RGS7: variants seen among roughly 807,000 people sequenced by gnomAD.
RGS7 encodes the protein regulator of G protein signaling 7, also known as regulator of G-protein signaling 7.
A neutral mutation model predicts 81.1 loss-of-function variants in RGS7; 27 were observed. That is an observed-to-expected ratio of 0.33 (90% CI 0.25 to 0.46). The LOEUF (loss-of-function observed/expected upper bound fraction) is 0.46, where lower values mean the gene tolerates loss of function less well. Ranked by LOEUF, RGS7 falls within the 20% of genes least tolerant of loss-of-function variation. The pLI is 1.00. For synonymous variants in RGS7, 208 were observed against 207.7 expected, an observed-to-expected ratio of 1.00 and a Z score of -0.01; for missense variants, 396 against 607.4, an observed-to-expected ratio of 0.65 and a Z score of 3.66.
intron 2 of RGS7, among the ~76,000 whole-genome samples, chr1:241,105,066 C>T (rs1254248654): frequency 6.6e-6 from 1 of 152,166 alleles, no homozygotes; most frequent in Non-Finnish European, 1.5e-5. Context: ...AATAGTGACA[C>T]AGAGTAGCTC....
At chr1:241,177,958 GAT>G (rs2071285262) in intron 2 of RGS7, among the ~76,000 whole-genome samples, 1 of 152,136 alleles carries the variant, frequency 6.6e-6, no homozygotes, top group Non-Finnish European at 1.5e-5. Context: ...TAAAAAGACA[GAT>G]ATGTGAATTA....
At chr1:240,974,471 C>A (rs1317818224) in intron 4 of RGS7, among the ~76,000 whole-genome samples, 1 of 152,130 alleles carries the variant, frequency 6.6e-6, no homozygotes, top group Non-Finnish European at 1.5e-5. Flanking sequence ...GTCAAAAAAA[C>A]AAGTGATTAT....
At chr1:240,985,542 T>G (rs1283430368) in intron 3 of RGS7, among the ~76,000 whole-genome samples, 2 of 152,242 alleles carry the variant, frequency 1.3e-5, no homozygotes, top group African/African-American at 4.8e-5. Flanking sequence ...TTTTGAGTAT[T>G]TCTGTCACAA....
rs187500340 is a variant in RGS7, at chr1:241,262,799, C to A, written c.78+92900G>T. 2.6e-3 allele frequency among the ~76,000 whole-genome samples: 396 copies of A among 152,204 alleles called. 2 individuals are homozygous for A. Among genetic ancestry groups the A allele is most frequent in the African/African-American group, 9.0e-3 (373 of 41,528 alleles). On this transcript the variant is annotated intron_variant, in intron 2 of 18. Transcript: ENST00000440928. ...TCACTAAGAAAATATCACAATACCT[C>A]ATCTATTTAAAATATTATCAGCCAG...
intron 2 of RGS7, among the ~76,000 whole-genome samples, chr1:241,170,681 G>A (rs1423261916): frequency 6.6e-6 from 1 of 152,202 alleles, no homozygotes; most frequent in Admixed American, 6.5e-5. Flanking sequence ...GCAAAAGGCT[G>A]ATGGAGATCT....
intron 13 of RGS7, among the ~76,000 whole-genome samples, chr1:240,812,602 T>G (rs1690065825): frequency 6.6e-6 from 1 of 151,952 alleles, no homozygotes; most frequent in Admixed American, 6.6e-5. Flanking sequence ...GCCCGGCTAC[T>G]TTTTGTATTT....
intron 2 of RGS7, among the ~76,000 whole-genome samples, chr1:241,335,824 A>C (rs1407459757): frequency 6.6e-6 from 1 of 152,136 alleles, no homozygotes; most frequent in Non-Finnish European, 1.5e-5. Flanking sequence ...AACCATGGCT[A>C]ATTTCAATTT....
intron 6 of RGS7, among the ~76,000 whole-genome samples, chr1:240,926,440 A>G (rs1004484509): frequency 1.3e-5 from 2 of 152,332 alleles, no homozygotes; most frequent in African/African-American, 4.8e-5. Flanking sequence ...GCCAAAGATC[A>G]TATGGTTATA....
At chr1:241,016,554 A>G (rs2059245529) in intron 3 of RGS7, among the ~76,000 whole-genome samples, 1 of 145,588 alleles carries the variant, frequency 6.9e-6, no homozygotes, top group Admixed American at 6.7e-5. Flanking sequence ...AACAACAAAA[A>G]CCAACCAAAC....
intron 18 of RGS7, among the ~76,000 whole-genome samples, chr1:240,779,977 T>A (rs1253991938): frequency 6.6e-6 from 1 of 152,150 alleles, no homozygotes; most frequent in Non-Finnish European, 1.5e-5. Flanking sequence ...ATCATACTGC[T>A]TTTCCACCCC....
rs551308577 is a variant in RGS7, at chr1:241,236,423, T to C, written c.78+119276A>G. 1.3e-4 allele frequency among the ~76,000 whole-genome samples: 20 copies of C among 152,290 alleles called. No homozygotes were observed. In the South Asian group the frequency reaches 3.9e-3, roughly 30 times the overall value. On this transcript the variant is annotated intron_variant, in intron 2 of 18. Transcript: ENST00000440928. ...ATGACCTAGTTAAATCTTCCACGGA[T>C]GCTAATATCTCCTGTTAACACCCTG...
rs188151462 is a variant in RGS7, at chr1:241,343,758, T to C, written c.78+11941A>G. 5.3e-5 allele frequency among the ~76,000 whole-genome samples: 8 copies of C among 152,266 alleles called. No individual in the cohort carries two copies. In the South Asian group the frequency reaches 8.3e-4, roughly 16 times the overall value. Reference sequence around the variant, plus strand: ...GTTTCAGATTGGGAAGATTAAGTTCTAGAGATGGATGGTGATAATGGTCGC... The same window carrying C: ...GTTTCAGATTGGGAAGATTAAGTTCCAGAGATGGATGGTGATAATGGTCGC... On this transcript the variant is annotated intron_variant, in intron 2 of 18. Transcript: ENST00000440928.
intron 6 of RGS7, among the ~76,000 whole-genome samples, chr1:240,886,089 A>T (rs1165128435): frequency 6.6e-6 from 1 of 152,210 alleles, no homozygotes; most frequent in Admixed American, 6.5e-5. Context: ...TTTAACTGTT[A>T]TGATAATTAT....
intron 2 of RGS7, among the ~76,000 whole-genome samples, chr1:241,338,685 A>G (rs59382229): frequency 0.046 from 6,813 of 149,612 alleles, 400 homozygotes; most frequent in African/African-American, 0.14. Context: ...AATTTTATGA[A>G]GTTGTTATAA....
At chr1:240,793,163 C>T (rs1686306958) in intron 18 of RGS7, among the ~76,000 whole-genome samples, 1 of 152,118 alleles carries the variant, frequency 6.6e-6, no homozygotes, top group Admixed American at 6.5e-5. Context: ...TCCTTAGGAA[C>T]CCCCAGGGCT....
chr1:241,234,875 A>G (rs1179047621), intron 2 of RGS7, among the ~76,000 whole-genome samples: 1 of 152,160 alleles, frequency 6.6e-6, no homozygotes, highest in Non-Finnish European at 1.5e-5. Flanking sequence ...AAGGAAAAAA[A>G]GCTTTATGGA....
intron 5 of RGS7, 65 bp from the exon 6 acceptor site, chr1:240,930,833 G>T: frequency 1.4e-6 from 2 of 1,430,026 alleles, no homozygotes; most frequent in Non-Finnish European, 2.0e-6. Flanking sequence ...TTTCTGGCCA[G>T]TGAATTACAT....
chr1:241,087,995 T>TATATATAC (rs1553414167), intron 3 of RGS7, among the ~76,000 whole-genome samples: 89 of 116,304 alleles, frequency 7.7e-4, no homozygotes, highest in East Asian at 3.4e-3. Flanking sequence ...TATATATATA[T>TATATATAC]ACACACACAC....
intron 2 of RGS7, among the ~76,000 whole-genome samples, chr1:241,306,842 TACAC>T (rs921753014): frequency 2.0e-5 from 3 of 152,108 alleles, no homozygotes; most frequent in African/African-American, 7.2e-5. Flanking sequence ...TCCACTCACA[TACAC>T]ACAACACCCT....
Sources: gnomAD v4.1 joint callset for allele counts (sites outside exome capture counted in the v4.1 genomes callset) on GRCh38, gnomAD v4.1.1 for gene constraint, MANE v1.5 for transcripts, NCBI Gene and HGNC (gene_info 2026-07-23, HGNC 2026-07-21) for gene names.